The following PPFIBP2 variants were observed in gnomAD, a reference collection of about 807,000 sequenced individuals.
The protein encoded by PPFIBP2 is liprin-beta-2.
PPFIBP2 carries 118 observed loss-of-function variants against 118.3 expected under a neutral mutation model. The ratio of observed to expected loss-of-function variants is 1.00; its 90% confidence interval spans 0.86 to 1.16. The LOEUF is 1.16. Among genes scored for constraint, PPFIBP2 ranks in the 50% most tolerant of loss-of-function variants. The pLI is 0.00. For missense variants in PPFIBP2, 1,195 were observed against 1,073.1 expected, an observed-to-expected ratio of 1.11 and a Z score of -1.59; for synonymous variants, 414 against 397.4, an observed-to-expected ratio of 1.04 and a Z score of -0.50.
intron 15 of PPFIBP2, 105 bp from the exon 16 acceptor site, chr11:7,641,374 C>A: frequency 1.5e-6 from 2 of 1,306,780 alleles, no homozygotes; most frequent in Non-Finnish European, 2.1e-6. Flanking sequence ...CAGAACTGGG[C>A]AGATTCTCTG....
At chr11:7,554,150 A>T (rs1431921628) in intron 2 of PPFIBP2, among the ~76,000 whole-genome samples, 2 of 152,238 alleles carry the variant, frequency 1.3e-5, no homozygotes, top group Non-Finnish European at 2.9e-5. Flanking sequence ...AAGTAGTGCC[A>T]CCACCACTGC....
the PPFIBP2 span, chr11:7,665,170 C>T: frequency 2.1e-6 from 1 of 469,648 alleles, no homozygotes; most frequent in Non-Finnish European, 3.7e-6. Flanking sequence ...TCTTTCCAGC[C>T]TCCAAGCAAG....
chr11:7,608,929 C>T (rs1391749480), intron 5 of PPFIBP2, among the ~76,000 whole-genome samples: 3 of 152,228 alleles, frequency 2.0e-5, no homozygotes, highest in Admixed American at 2.0e-4. Flanking sequence ...TGCAGTGCTC[C>T]ACCTCTGCCT....
At chr11:7,560,504 A>G (rs1181432350) in intron 2 of PPFIBP2, among the ~76,000 whole-genome samples, 1 of 152,176 alleles carries the variant, frequency 6.6e-6, no homozygotes, top group Non-Finnish European at 1.5e-5. Flanking sequence ...ATACAGCTAT[A>G]TGAATCATAT....
chr11:7,625,183 G>A (rs748594523), intron 7 of PPFIBP2, among the ~76,000 whole-genome samples: 6 of 152,158 alleles, frequency 3.9e-5, no homozygotes, highest in Non-Finnish European at 8.8e-5. Context: ...TTGTACATCT[G>A]TATATGAGTG....
intron 3 of PPFIBP2, among the ~76,000 whole-genome samples, chr11:7,586,849 C>G (rs183084583): frequency 1.3e-5 from 2 of 152,318 alleles, no homozygotes; most frequent in African/African-American, 4.8e-5. Context: ...CCTCCCAGCG[C>G]CCAGACCTGG....
At chr11:7,581,729 G>C (rs1857281171) in intron 3 of PPFIBP2, among the ~76,000 whole-genome samples, 1 of 151,956 alleles carries the variant, frequency 6.6e-6, no homozygotes, top group Non-Finnish European at 1.5e-5. Flanking sequence ...AGATTCCTTG[G>C]GCTCATATCT....
intron 3 of PPFIBP2, among the ~76,000 whole-genome samples, chr11:7,589,649 C>G (rs1328690809): frequency 2.6e-5 from 4 of 152,048 alleles, no homozygotes. Flanking sequence ...CACGTAGCAT[C>G]CTTCAGAATT....
intron 2 of PPFIBP2, among the ~76,000 whole-genome samples, chr11:7,563,016 T>C (rs1854526569): frequency 1.4e-5 from 2 of 147,588 alleles, no homozygotes; most frequent in African/African-American, 5.0e-5. Flanking sequence ...TTGGCACAGA[T>C]ATACATGTAC....
chr11:7,528,843 A>T (rs868398202), intron 1 of PPFIBP2, among the ~76,000 whole-genome samples: 1 of 152,158 alleles, frequency 6.6e-6, no homozygotes, highest in Non-Finnish European at 1.5e-5. Context: ...TTATGCGTAT[A>T]TCTAGTACAG....
chr11:7,598,267 AT>A, intron 5 of PPFIBP2: 1 of 320,378 alleles, frequency 3.1e-6, no homozygotes, highest in South Asian at 2.7e-5. Flanking sequence ...TAGTCCTCAG[AT>A]TTTGTATGCT....
chr11:7,529,823 G>A (rs1354917954), intron 1 of PPFIBP2, among the ~76,000 whole-genome samples: 2 of 152,254 alleles, frequency 1.3e-5, no homozygotes, highest in African/African-American at 4.8e-5. Flanking sequence ...GCTGAGGAAG[G>A]AACCGAGGGG....
chr11:7,608,820 C>T (rs1376219267), intron 5 of PPFIBP2, among the ~76,000 whole-genome samples: 2 of 152,228 alleles, frequency 1.3e-5, no homozygotes, highest in African/African-American at 2.4e-5. Flanking sequence ...CACCAGCAGT[C>T]TCTGGTACAG....
chr11:7,619,908 TTG>T (rs1313230678), intron 6 of PPFIBP2, among the ~76,000 whole-genome samples: 15 of 152,338 alleles, frequency 9.8e-5, no homozygotes, highest in African/African-American at 3.6e-4. Context: ...AGGAAGTTTG[TTG>T]TGTGAGACTG....
chr11:7,623,560 G>A (rs1209241781), intron 7 of PPFIBP2, among the ~76,000 whole-genome samples: 1 of 152,224 alleles, frequency 6.6e-6, no homozygotes, highest in Non-Finnish European at 1.5e-5. Flanking sequence ...CACTTGGTCT[G>A]TAGGGTCCAT....
intron 1 of PPFIBP2, among the ~76,000 whole-genome samples, chr11:7,523,390 A>G (rs1489789672): frequency 6.6e-6 from 1 of 152,226 alleles, no homozygotes; most frequent in East Asian, 1.9e-4. Flanking sequence ...GTTGCCAAAT[A>G]AAAACATATA....
chr11:7,608,057 A>G (rs2135459981), intron 5 of PPFIBP2, among the ~76,000 whole-genome samples: 1 of 152,320 alleles, frequency 6.6e-6, no homozygotes, highest in South Asian at 2.1e-4. Context: ...CTCAAGACTC[A>G]GAGACTCAGA....
intron 6 of PPFIBP2, among the ~76,000 whole-genome samples, chr11:7,611,154 C>T (rs10769809): frequency 0.99 from 151,133 of 152,354 alleles, 74,978 homozygotes; most frequent in Middle Eastern, 1. Flanking sequence ...AGAAACACCT[C>T]GCTCATTTAC....
intron 3 of PPFIBP2, among the ~76,000 whole-genome samples, chr11:7,578,240 A>G (rs1207837537): frequency 6.6e-6 from 1 of 152,214 alleles, no homozygotes; most frequent in Non-Finnish European, 1.5e-5. Flanking sequence ...TGGGGGCTGG[A>G]GTAGCATCAT....
Sources: gnomAD v4.1 joint callset for allele counts (sites outside exome capture counted in the v4.1 genomes callset) on GRCh38, gnomAD v4.1.1 for gene constraint, MANE v1.5 for transcripts, NCBI Gene and HGNC (gene_info 2026-07-23, HGNC 2026-07-21) for gene names.